The following CASR variants were observed in gnomAD, a reference collection of about 807,000 sequenced individuals.
The protein encoded by CASR is extracellular calcium-sensing receptor.
Under a neutral mutation model 69.1 loss-of-function variants are expected in CASR, and 23 were observed. That is an observed-to-expected ratio of 0.33 (90% CI 0.24 to 0.47). CASR has a LOEUF of 0.47. Ranked by LOEUF, CASR falls within the 20% of genes least tolerant of loss-of-function variation. The pLI is 1.00. For missense variants in CASR, 924 were observed against 1,356.1 expected, an observed-to-expected ratio of 0.68 and a Z score of 5.00; for synonymous variants, 541 against 544.7, an observed-to-expected ratio of 0.99 and a Z score of 0.10.
rs62269091 is a variant in CASR, at chr3:122,259,496, T to A, written c.493-2032T>A. On this transcript the variant is annotated intron_variant, in intron 3 of 6. Transcript: ENST00000639785. ...ATTATCAATTTTATACTATAACTTCTAAAATAAAAGCTCTTGTCAGAAAAC... is the reference window on the plus strand; with the variant it reads ...ATTATCAATTTTATACTATAACTTCAAAAATAAAAGCTCTTGTCAGAAAAC... Among the ~76,000 whole-genome samples, 595 of 152,216 alleles carry A rather than the reference T, an allele frequency of 3.9e-3. 4 individuals are homozygous for A. Among genetic ancestry groups the A allele is most frequent in the African/African-American group, 0.013 (544 of 41,526 alleles).
At chr3:122,211,570 T>C (rs1015416626) in intron 1 of CASR, among the ~76,000 whole-genome samples, 24 of 152,110 alleles carry the variant, frequency 1.6e-4, no homozygotes, top group Non-Finnish European at 3.2e-4. Flanking sequence ...TAGCTGGGCG[T>C]GGTGGCACAC....
At chr3:122,272,944 C>A (rs2074776269) in intron 4 of CASR, among the ~76,000 whole-genome samples, 1 of 152,226 alleles carries the variant, frequency 6.6e-6, no homozygotes, top group African/African-American at 2.4e-5. Context: ...CAGGGATGAG[C>A]TTTAAGTCAC....
At chr3:122,252,960 G>A (rs2074514108) in intron 1 of CASR, among the ~76,000 whole-genome samples, 1 of 152,188 alleles carries the variant, frequency 6.6e-6, no homozygotes, top group Non-Finnish European at 1.5e-5. Flanking sequence ...GGTGCGGAGT[G>A]AGAAGAGCAG....
Position 122,283,676 on chromosome 3 carries a change from A to T in CASR, c.1733-11A>T, listed in dbSNP as rs780819355. ...ACACAATAACTCACTCTTCACTGGG[A>T]CATTTTACAGATGCCAGTGCCTGTA... On this transcript the variant is annotated splice_polypyrimidine_tract_variant and intron_variant, in intron 6 of 6. Transcript: ENST00000639785. The T allele has an allele frequency of 6.2e-7, 1 of 1,612,332 alleles. No homozygotes were observed. Among genetic ancestry groups the T allele is most frequent in the Admixed American group, 1.7e-5 (1 of 60,026 alleles).
chr3:122,195,618 T>A (rs895131615), intron 1 of CASR, among the ~76,000 whole-genome samples: 3 of 152,232 alleles, frequency 2.0e-5, no homozygotes, highest in African/African-American at 7.2e-5. Flanking sequence ...TGCTAAAGAT[T>A]TTATACATTG....
At chr3:122,199,020 A>T (rs558031665) in intron 1 of CASR, among the ~76,000 whole-genome samples, 40 of 152,288 alleles carry the variant, frequency 2.6e-4, no homozygotes, top group Non-Finnish European at 5.4e-4. Context: ...CTTTTTATAG[A>T]TTTATGATAT....
rs201839033 is a variant in CASR at position 122,257,321 on chromosome 3, G to A, written c.426G>A (p.Val142=). The change falls in exon 3 of 7, where the codon GTG becomes GTA. Residue 142 remains valine, a synonymous_variant. Transcript: ENST00000639785. ...ACATTCCCTCTACGATTGCTGTGGT[G>A]GGAGCAACTGGCTCAGGCGTCTCCA... The part of the protein sequence containing the change: ...SEHIPSTIAV[V]GATGSGVSTA... 1.9e-6 allele frequency: 3 copies of A among 1,613,956 alleles called. No homozygotes were observed. Among genetic ancestry groups the A allele is most frequent in the Admixed American group, 1.7e-5 (1 of 60,008 alleles).
intron 1 of CASR, among the ~76,000 whole-genome samples, chr3:122,217,144 C>T (rs920725913): frequency 2.0e-5 from 3 of 149,716 alleles, no homozygotes; most frequent in Admixed American, 6.6e-5. Context: ...CTGGCTCTGT[C>T]ACCCATGCAG....
intron 1 of CASR, among the ~76,000 whole-genome samples, chr3:122,199,971 A>T (rs2073926440): frequency 6.6e-6 from 1 of 152,156 alleles, no homozygotes; most frequent in Non-Finnish European, 1.5e-5. Flanking sequence ...GCAATGGTGC[A>T]ATCTTGGCTC....
At chr3:122,192,070 A>G (rs1033548853) in intron 1 of CASR, among the ~76,000 whole-genome samples, 7 of 152,252 alleles carry the variant, frequency 4.6e-5, no homozygotes, top group African/African-American at 1.2e-4. Context: ...CTTATGCCCA[A>G]TGATGTTCTT....
In CASR at chr3:122,284,920, A is replaced by G. The variant is rs2074950014; in HGVS notation, c.2966A>G (p.His989Arg). The G allele has an allele frequency of 6.2e-7, 1 of 1,614,178 alleles. No individual in the cohort carries two copies. Among genetic ancestry groups the G allele is most frequent in the South Asian group, 1.1e-5 (1 of 91,082 alleles). ...GAGCCTCAGAAGAACGCCATGGCCC[A>G]CAGGAATTCTACGCACCAGAACTCC... is the stretch of plus-strand genomic sequence containing the variant. ...FDEPQKNAMA[H>R]RNSTHQNSLE... The change falls in exon 7 of 7, where the codon CAC becomes CGC. Residue 989 changes from histidine to arginine, a missense_variant. Around this residue, in one of 8 missense-constraint regions of CASR, gnomAD observed 201 missense variants for 228.8 expected, o/e 0.88. Coordinates refer to ENST00000639785, the MANE Select transcript of CASR (RefSeq NM_000388.4).
rs201341173 is a variant in CASR at position 122,284,939 on chromosome 3, G to A, written c.2985G>A (p.Gln995=). 2 of 1,614,040 alleles carry A rather than the reference G, an allele frequency of 1.2e-6. No individual in the cohort carries two copies. The highest frequency in any genetic ancestry group is 1.3e-5 in the African/African-American group (1 of 74,922). ...TGGCCCACAGGAATTCTACGCACCA[G>A]AACTCCCTGGAGGCCCAGAAAAGCA... ...NAMAHRNSTH[Q]NSLEAQKSSD... Residue 995 remains glutamine (Q), a synonymous_variant, in exon 7 of 7, where the codon CAG becomes CAA. Coordinates refer to ENST00000639785, the MANE Select transcript of CASR (RefSeq NM_000388.4).
Position 122,284,213 on chromosome 3 carries a change from C to T in CASR, c.2259C>T (p.Asn753=). 1.9e-6 allele frequency: 3 copies of T among 1,614,094 alleles called. No homozygotes were observed. The highest frequency in any genetic ancestry group is 2.5e-6 in the Non-Finnish European group (3 of 1,180,016). Residue 753 remains asparagine (N), a synonymous_variant, in exon 7 of 7, where the codon AAC becomes AAT. Transcript: ENST00000639785. Reference sequence around the variant, plus strand: ...CCGCGCCCCCGTCAAGCTACCGCAACCAGGAGCTGGAGGATGAGATCATCT... The same window carrying T: ...CCGCGCCCCCGTCAAGCTACCGCAATCAGGAGCTGGAGGATGAGATCATCT... The part of the protein sequence containing the change: ...LYTAPPSSYR[N]QELEDEIIFI...
intron 1 of CASR, among the ~76,000 whole-genome samples, chr3:122,237,325 G>C (rs757327260): frequency 3.9e-5 from 6 of 152,088 alleles, no homozygotes; most frequent in Non-Finnish European, 7.3e-5. Context: ...GGCCAGGATA[G>C]TCTCAATCTC....
chr3:122,281,276 T>G (rs2074884077), intron 5 of CASR, among the ~76,000 whole-genome samples: 1 of 152,246 alleles, frequency 6.6e-6, no homozygotes, highest in Non-Finnish European at 1.5e-5. Flanking sequence ...CTTCAGTTGT[T>G]TCTAATAATT....
chr3:122,205,699 C>G (rs1417067554), intron 1 of CASR, among the ~76,000 whole-genome samples: 1 of 152,046 alleles, frequency 6.6e-6, no homozygotes. Flanking sequence ...AATCCATGAG[C>G]ATGGAATAGC....
At chr3:122,194,101 A>C (rs1233084119) in intron 1 of CASR, among the ~76,000 whole-genome samples, 2 of 152,088 alleles carry the variant, frequency 1.3e-5, no homozygotes, top group Non-Finnish European at 2.9e-5. Context: ...TCCAGTCTAC[A>C]CGCCTTCTCA....
At chr3:122,232,431 A>G (rs2074287289) in intron 1 of CASR, among the ~76,000 whole-genome samples, 1 of 152,142 alleles carries the variant, frequency 6.6e-6, no homozygotes, top group Non-Finnish European at 1.5e-5. Flanking sequence ...TCCCTGATGG[A>G]TGAAGAGAAA....
chr3:122,259,343 C>T (rs1263543491), intron 3 of CASR, among the ~76,000 whole-genome samples: 1 of 152,030 alleles, frequency 6.6e-6, no homozygotes, highest in Non-Finnish European at 1.5e-5. Flanking sequence ...GATTTAGAGG[C>T]CTATTGTTTG....
Sources: allele counts gnomAD v4.1 joint callset (sites outside exome capture counted in the v4.1 genomes callset), GRCh38; gene constraint gnomAD v4.1.1; regional missense constraint gnomAD v4.1.1; transcripts MANE v1.5; gene names NCBI Gene and HGNC (gene_info 2026-07-23, HGNC 2026-07-21).